The following SPATS2L variants were observed in gnomAD, a reference collection of about 807,000 sequenced individuals.
SPATS2L encodes the protein spermatogenesis associated serine rich 2 like, also known as SPATS2-like protein.
Under a neutral mutation model 59.6 loss-of-function variants are expected in SPATS2L, and 30 were observed. That is an observed-to-expected ratio of 0.50 (90% CI 0.38 to 0.68). The LOEUF (loss-of-function observed/expected upper bound fraction) is 0.68, where lower values mean the gene tolerates loss of function less well. Among genes scored for constraint, SPATS2L ranks in the 30% least tolerant of loss-of-function variants. SPATS2L has a pLI of 0.00. For missense variants in SPATS2L, 615 were observed against 700.0 expected, an observed-to-expected ratio of 0.88 and a Z score of 1.37; for synonymous variants, 252 against 263.5, an observed-to-expected ratio of 0.96 and a Z score of 0.42.
chr2:200,308,502 GTT>G (rs902191960), intron 1 of SPATS2L, among the ~76,000 whole-genome samples: 1 of 152,168 alleles, frequency 6.6e-6, no homozygotes, highest in African/African-American at 2.4e-5. Flanking sequence ...TCTAATTAGA[GTT>G]TTGGAATAAG....
chr2:200,315,000 C>T lies in SPATS2L; in HGVS notation c.-73+8078C>T, dbSNP rs1365493638. Reference sequence around the variant, plus strand: ...TGATTACTTAGTGGACGTTACCATGCGACATAAAGAAATAATAAAATAAAA... The same window carrying T: ...TGATTACTTAGTGGACGTTACCATGTGACATAAAGAAATAATAAAATAAAA... On this transcript the variant is annotated intron_variant, in intron 1 of 12. Coordinates refer to ENST00000409140, the MANE Select transcript of SPATS2L (RefSeq NM_001100423.2). Among the ~76,000 whole-genome samples, 21 of 152,136 alleles carry T rather than the reference C, an allele frequency of 1.4e-4. No individual in the cohort carries two copies. In the Middle Eastern group the frequency reaches 0.017, roughly 123 times the overall value.
intron 9 of SPATS2L, 123 bp from the exon 10 acceptor site, chr2:200,467,167 G>C (rs2106215641): frequency 1.4e-6 from 1 of 707,794 alleles, no homozygotes; most frequent in Non-Finnish European, 2.4e-6. Flanking sequence ...GACCAACTCA[G>C]AAAACACAGT....
intron 2 of SPATS2L, among the ~76,000 whole-genome samples, chr2:200,354,601 C>T (rs902161650): frequency 1.9e-4 from 27 of 142,638 alleles, no homozygotes; most frequent in African/African-American, 7.8e-4. Context: ...GAGCAAGACT[C>T]CGTCTCAAAA....
intron 4 of SPATS2L, among the ~76,000 whole-genome samples, chr2:200,415,622 A>T (rs2083028659): frequency 6.6e-6 from 1 of 152,152 alleles, no homozygotes; most frequent in African/African-American, 2.4e-5. Context: ...CATGGATTGC[A>T]GCTGGCCAGC....
At chr2:200,470,157 C>A in intron 11 of SPATS2L, 141 bp downstream of exon 11, 1 of 630,790 alleles carries the variant, frequency 1.6e-6, no homozygotes, top group Non-Finnish European at 2.7e-6. Flanking sequence ...AAGCTCATGA[C>A]ACAAGTCACC....
At position 200,480,151 on chromosome 2, in the gene SPATS2L, G is replaced by A. The variant is rs1242590126; in HGVS notation, c.*2120G>A. On this transcript the variant is annotated 3_prime_UTR_variant, in exon 13 of 13. Coordinates refer to ENST00000409140, the MANE Select transcript of SPATS2L (RefSeq NM_001100423.2). ...AACAGGGAAAAAAATGAATTTGCCAGGTCAGGAGTTCACCTGCCTTTGTCA... is the reference window on the plus strand; with the variant it reads ...AACAGGGAAAAAAATGAATTTGCCAAGTCAGGAGTTCACCTGCCTTTGTCA... 1.3e-5 allele frequency: 2 copies of A among 157,640 alleles called. No individual in the cohort carries two copies. The highest frequency in any genetic ancestry group is 2.8e-5 in the Non-Finnish European group (2 of 71,870). 9.8% of individuals were successfully genotyped at this position (157,640 alleles called of 1,614,324 possible).
At chr2:200,401,089 A>G (rs1283230718) in intron 3 of SPATS2L, among the ~76,000 whole-genome samples, 1 of 152,224 alleles carries the variant, frequency 6.6e-6, no homozygotes, top group African/African-American at 2.4e-5. Context: ...GGGATATTGC[A>G]GTGGCTCTCT....
In SPATS2L at chr2:200,363,227, C is replaced by T. The variant is rs1272211468; in HGVS notation, c.-22-25996C>T. 2.0e-5 allele frequency among the ~76,000 whole-genome samples: 3 copies of T among 151,966 alleles called. No individual in the cohort carries two copies. In the East Asian group the frequency reaches 5.8e-4, roughly 29 times the overall value. On this transcript the variant is annotated intron_variant, in intron 2 of 12. Coordinates refer to ENST00000409140, the MANE Select transcript of SPATS2L (RefSeq NM_001100423.2). ...TTTAATTATACTACTACTACCACCT[C>T]GTTATAAAATCTGCATTACTTCAGC...
At position 200,306,886 on chromosome 2, in the gene SPATS2L, C is replaced by T; in HGVS notation, c.-109C>T. On this transcript the variant is annotated 5_prime_UTR_variant, in exon 1 of 13. Transcript: ENST00000409140. ...GCGACCGCGCCCCCGGGCCCCGGCTCCGGCCCGGGACGGAGGAGCCGGCGC... is the reference window on the plus strand; with the variant it reads ...GCGACCGCGCCCCCGGGCCCCGGCTTCGGCCCGGGACGGAGGAGCCGGCGC... 4.1e-6 allele frequency: 4 copies of T among 980,998 alleles called. No individual in the cohort carries two copies. Among genetic ancestry groups the T allele is most frequent in the Non-Finnish European group, 3.6e-6 (3 of 828,186 alleles). 60.8% of individuals were successfully genotyped at this position (980,998 alleles called of 1,614,324 possible).
chr2:200,436,738 A>G (rs1315777324), intron 6 of SPATS2L, among the ~76,000 whole-genome samples: 1 of 152,160 alleles, frequency 6.6e-6, no homozygotes, highest in Non-Finnish European at 1.5e-5. Context: ...CCTTATTTTC[A>G]AGAATATGAT....
At chr2:200,379,143 A>G (rs2081708400) in intron 2 of SPATS2L, among the ~76,000 whole-genome samples, 1 of 152,118 alleles carries the variant, frequency 6.6e-6, no homozygotes, top group Non-Finnish European at 1.5e-5. Flanking sequence ...GTTTTTGTGT[A>G]CATATCTGTC....
At chr2:200,352,341 A>AAGC (rs2080767813) in intron 2 of SPATS2L, among the ~76,000 whole-genome samples, 1 of 17,202 alleles carries the variant, frequency 5.8e-5, no homozygotes, top group Non-Finnish European at 4.1e-4. Flanking sequence ...ATATATATAT[A>AAGC]TATATATATA....
At chr2:200,446,862 C>T (rs768568803) in intron 8 of SPATS2L, among the ~76,000 whole-genome samples, 2 of 152,134 alleles carry the variant, frequency 1.3e-5, no homozygotes, top group Non-Finnish European at 1.5e-5. Flanking sequence ...ATATTTTTTC[C>T]ATAGTGCCTG....
chr2:200,342,781 A>C (rs1433525798), intron 2 of SPATS2L, among the ~76,000 whole-genome samples: 1 of 152,242 alleles, frequency 6.6e-6, no homozygotes, highest in Non-Finnish European at 1.5e-5. Context: ...CTGGATAAGA[A>C]CAATATCCTT....
intron 6 of SPATS2L, among the ~76,000 whole-genome samples, chr2:200,421,242 T>C (rs2106016921): frequency 6.6e-6 from 1 of 152,242 alleles, no homozygotes; most frequent in East Asian, 1.9e-4. Context: ...CCTGGGAGAT[T>C]TCCTGGGAGC....
At chr2:200,341,082 G>A (rs2080309523) in intron 2 of SPATS2L, among the ~76,000 whole-genome samples, 1 of 152,164 alleles carries the variant, frequency 6.6e-6, no homozygotes, top group Non-Finnish European at 1.5e-5. Flanking sequence ...ATGTGTCACT[G>A]GCAGACCGAC....
At chr2:200,396,067 T>TATATATA (rs1491208283) in intron 3 of SPATS2L, among the ~76,000 whole-genome samples, 3 of 27,258 alleles carry the variant, frequency 1.1e-4, no homozygotes, top group East Asian at 1.2e-3. Context: ...TATATATATA[T>TATATATA]TTTCCCATAG....
rs2079089405 is a variant in SPATS2L at position 200,308,210 on chromosome 2, G to C, written c.-73+1288G>C. On this transcript the variant is annotated intron_variant, in intron 1 of 12. Coordinates refer to ENST00000409140, the MANE Select transcript of SPATS2L (RefSeq NM_001100423.2). ...GATGTATGTAATATAGCAGGGAAGA[G>C]GACAGGAAGTCAGAAATCTCTTCAC... Among the ~76,000 whole-genome samples the C allele has an allele frequency of 2.7e-5, 4 of 148,476 alleles. No individual in the cohort carries two copies. In the South Asian group the frequency reaches 8.7e-4, roughly 32 times the overall value.
intron 2 of SPATS2L, among the ~76,000 whole-genome samples, chr2:200,333,223 C>A (rs1240325102): frequency 6.6e-6 from 1 of 151,496 alleles, no homozygotes; most frequent in East Asian, 1.9e-4. Context: ...GAAGGAAAGA[C>A]TGCAGTGAGC....
Sources: allele counts gnomAD v4.1 joint callset (sites outside exome capture counted in the v4.1 genomes callset), GRCh38; gene constraint gnomAD v4.1.1; transcripts MANE v1.5; gene names NCBI Gene and HGNC (gene_info 2026-07-23, HGNC 2026-07-21).